The following CDH13 variants were observed in gnomAD, a reference collection of about 807,000 sequenced individuals.
The protein encoded by CDH13 is cadherin 13, also known as cadherin-13.
Under a neutral mutation model 63.8 loss-of-function variants are expected in CDH13, and 24 were observed. The observed-to-expected ratio is 0.38, with a 90% CI of 0.27 to 0.53. CDH13 has a LOEUF of 0.53. CDH13 is among the 20% of genes least tolerant of loss of function. The probability of loss-of-function intolerance (pLI) is 0.85; values close to 1 mark genes in which losing one functional copy is unlikely to be tolerated. For missense variants in CDH13, 1,049 were observed against 903.1 expected (o/e 1.16, Z -2.07); for synonymous variants, 503 against 355.3 (o/e 1.42, Z -4.67).
chr16:83,226,677 T>C (rs534084059), intron 5 of CDH13, among the ~76,000 whole-genome samples: 3 of 152,330 alleles, frequency 2.0e-5, no homozygotes, highest in African/African-American at 7.2e-5. Context: ...TCGCAATACA[T>C]TGGGACTGCA....
At position 83,704,408 on chromosome 16, in the gene CDH13, C is replaced by G. The variant is rs982324374; in HGVS notation, c.1538+25947C>G. On this transcript the variant is annotated intron_variant, in intron 10 of 13. Transcript: ENST00000567109. Reference sequence around the variant, plus strand: ...TCCCATGCACCAAGCCCCTTACAAGCTTAGACTCGGGTCAGGTCCTAGAAA... The same window carrying G: ...TCCCATGCACCAAGCCCCTTACAAGGTTAGACTCGGGTCAGGTCCTAGAAA... Among the ~76,000 whole-genome samples the G allele has an allele frequency of 2.6e-5, 4 of 151,950 alleles. No homozygotes were observed. The East Asian group carries it at 7.7e-4, about 29-fold the overall frequency.
chr16:83,560,901 C>CG (rs995405698), intron 7 of CDH13, among the ~76,000 whole-genome samples: 1 of 139,352 alleles, frequency 7.2e-6, no homozygotes, highest in Non-Finnish European at 1.5e-5. Context: ...TAAGGTTGGC[C>CG]CCCCCCCCGC....
chr16:82,851,665 A>G (rs1189680155), intron 1 of CDH13, among the ~76,000 whole-genome samples: 1 of 100,782 alleles, frequency 9.9e-6, no homozygotes, highest in Non-Finnish European at 2.2e-5. Context: ...GAGTACATGC[A>G]CATGTGTGTA....
intron 3 of CDH13, among the ~76,000 whole-genome samples, chr16:83,039,640 C>T (rs1917165007): frequency 6.6e-6 from 1 of 152,172 alleles, no homozygotes; most frequent in East Asian, 1.9e-4. Context: ...GTGTTCACCA[C>T]TCTATCCTCA....
intron 1 of CDH13, chr16:82,825,071 T>C (rs2038178271): frequency 2.6e-5 from 4 of 152,176 alleles, no homozygotes; most frequent in African/African-American, 9.7e-5. Context: ...GAGTTTAATA[T>C]TGAGGTTGAG....
intron 7 of CDH13, among the ~76,000 whole-genome samples, chr16:83,525,571 T>C (rs2074941964): frequency 6.6e-6 from 1 of 152,208 alleles, no homozygotes; most frequent in African/African-American, 2.4e-5. Flanking sequence ...TCCCCAGACC[T>C]TGTCGTGTGA....
At chr16:83,394,835 TG>T (rs1434272875) in intron 6 of CDH13, among the ~76,000 whole-genome samples, 1 of 151,938 alleles carries the variant, frequency 6.6e-6, no homozygotes, top group Non-Finnish European at 1.5e-5. Context: ...GGATGGTGTG[TG>T]TGGTTCAAGA....
At chr16:82,795,489 G>C (rs1008007782) in intron 1 of CDH13, among the ~76,000 whole-genome samples, 3 of 152,128 alleles carry the variant, frequency 2.0e-5, no homozygotes, top group African/African-American at 7.2e-5. Flanking sequence ...ATTTTTCAAG[G>C]CTCGTTACCA....
intron 1 of CDH13, among the ~76,000 whole-genome samples, chr16:82,679,459 T>C (rs1411692581): frequency 6.6e-6 from 1 of 152,210 alleles, no homozygotes; most frequent in Admixed American, 6.5e-5. Context: ...CTTGTGAGCA[T>C]GGAAGGCTTA....
At chr16:83,010,961 A>G (rs1356799657) in intron 2 of CDH13, among the ~76,000 whole-genome samples, 1 of 152,212 alleles carries the variant, frequency 6.6e-6, no homozygotes, top group Admixed American at 6.5e-5. Context: ...TTTCCAGAGC[A>G]CTTAGTTCAC....
At chr16:82,699,733 A>C (rs553033601) in intron 1 of CDH13, among the ~76,000 whole-genome samples, 3 of 152,146 alleles carry the variant, frequency 2.0e-5, no homozygotes, top group Non-Finnish European at 4.4e-5. Context: ...CCCACCCACA[A>C]TCCAAACAGT....
intron 1 of CDH13, among the ~76,000 whole-genome samples, chr16:82,769,674 T>C (rs1406777539): frequency 6.6e-6 from 1 of 152,222 alleles, no homozygotes; most frequent in Non-Finnish European, 1.5e-5. Flanking sequence ...AATTCCATGA[T>C]GCCCTAGATT....
At chr16:83,264,032 C>G (rs1236750412) in intron 5 of CDH13, among the ~76,000 whole-genome samples, 1 of 152,194 alleles carries the variant, frequency 6.6e-6, no homozygotes, top group African/African-American at 2.4e-5. Flanking sequence ...TATTGTGGCT[C>G]TACATCCAAT....
At chr16:82,811,611 C>T (rs944016498) in intron 1 of CDH13, among the ~76,000 whole-genome samples, 1 of 152,064 alleles carries the variant, frequency 6.6e-6, no homozygotes, top group African/African-American at 2.4e-5. Context: ...AGCCTCTGAA[C>T]TACAGTGTCC....
At chr16:83,220,075 C>T (rs2151791263) in intron 5 of CDH13, among the ~76,000 whole-genome samples, 1 of 152,294 alleles carries the variant, frequency 6.6e-6, no homozygotes, top group East Asian at 1.9e-4. Context: ...TGGGGCCCAG[C>T]CCTTGGCAGC....
At chr16:83,678,180 T>A (rs750363494) in intron 9 of CDH13, 28 bp from the exon 10 acceptor site, 1 of 1,592,354 alleles carries the variant, frequency 6.3e-7, no homozygotes, top group South Asian at 1.1e-5. Flanking sequence ...CTGGTGTGCA[T>A]CCTGAGACCC....
At chr16:82,734,792 G>C (rs1402528802) in intron 1 of CDH13, among the ~76,000 whole-genome samples, 1 of 152,014 alleles carries the variant, frequency 6.6e-6, no homozygotes, top group Non-Finnish European at 1.5e-5. Context: ...ATTGAATATA[G>C]GTCTTTCAAT....
In CDH13 at chr16:83,647,107, G is replaced by A. The variant is rs540332462; in HGVS notation, c.1102-23683G>A. Among the ~76,000 whole-genome samples the A allele has an allele frequency of 5.0e-3, 765 of 152,026 alleles. 1 individual carries two copies. The highest frequency in any genetic ancestry group is 7.1e-3 in the Non-Finnish European group (482 of 67,984). Reference sequence around the variant, plus strand: ...GGGCGGATCACGAGGTCAGGAGATCGAGACCATCCTGTATAACACGGTGAA... The same window carrying A: ...GGGCGGATCACGAGGTCAGGAGATCAAGACCATCCTGTATAACACGGTGAA... On this transcript the variant is annotated intron_variant, in intron 8 of 13. Coordinates refer to ENST00000567109, the MANE Select transcript of CDH13 (RefSeq NM_001257.5).
At chr16:82,821,841 G>A in intron 1 of CDH13, among the ~76,000 whole-genome samples, 1 of 152,188 alleles carries the variant, frequency 6.6e-6, no homozygotes, top group East Asian at 1.9e-4. Flanking sequence ...ATGGTTTCAG[G>A]AGGAGGGAAG....
Sources: allele counts gnomAD v4.1 joint callset (sites outside exome capture counted in the v4.1 genomes callset), GRCh38; gene constraint gnomAD v4.1.1; transcripts MANE v1.5; gene names NCBI Gene and HGNC (gene_info 2026-07-23, HGNC 2026-07-21).